Variants in CCDC196 observed in about 807,000 individuals in gnomAD.
CCDC196 encodes coiled-coil domain containing 196.
At chr14:66,488,387 T>G in intron 3 of CCDC196, 131 bp downstream of exon 3, 2 of 395,540 alleles carry the variant, frequency 5.1e-6, no homozygotes, top group Non-Finnish European at 9.0e-6. Context: ...ATCTCCTTGA[T>G]CTAGAAAGTC....
Position 66,488,171 on chromosome 14 carries a change from T to C in CCDC196, c.215T>C (p.Met72Thr), listed in dbSNP as rs959632961. ...TCTCTTTCTTCTAGTCTTCAGATCA[T>C]GAGACAGATCATGGCAGGGAAGGGG... The part of the protein sequence containing the change: ...LEEKQRSLQI[M>T]RQIMAGKGCE... Residue 72 changes from methionine to threonine, a missense_variant, in exon 3 of 10, where the codon ATG becomes ACG. Physicochemically the swap from Met to Thr is moderately conservative, Grantham distance 81 (BLOSUM62 -1). Transcript: ENST00000636229. 6 of 412,948 alleles carry C rather than the reference T, an allele frequency of 1.5e-5. No homozygotes were observed. Among genetic ancestry groups the C allele is most frequent in the Non-Finnish European group, 2.7e-5 (6 of 225,822 alleles). 25.6% of individuals were successfully genotyped at this position (412,948 alleles called of 1,614,324 possible). A position where few individuals can be genotyped will look rare whatever the true frequency, so the allele number is the denominator to read the frequency against.
In CCDC196 at chr14:66,490,831, G is replaced by A. The variant is rs749796078; in HGVS notation, c.429+12G>A. 2.5e-5 allele frequency: 10 copies of A among 400,322 alleles called. No homozygotes were observed. The highest frequency in any genetic ancestry group is 7.1e-5 in the East Asian group (2 of 28,098). 24.8% of individuals were successfully genotyped at this position (400,322 alleles called of 1,614,324 possible). ...TGCAGGATGGAAAGGCAAGTGGACT[G>A]CATGTACTTAAAATTTCAAGATTGT... On this transcript the variant is annotated intron_variant, in intron 5 of 9. Transcript: ENST00000636229.
At chr14:66,489,608 A>G (rs566990078) in intron 4 of CCDC196, among the ~76,000 whole-genome samples, 10 of 152,120 alleles carry the variant, frequency 6.6e-5, no homozygotes, top group Non-Finnish European at 7.4e-5. Context: ...TACTTTTTAA[A>G]TTGTTTCTTG....
intron 4 of CCDC196, among the ~76,000 whole-genome samples, 157 bp downstream of exon 4, chr14:66,489,194 T>C (rs564330891): frequency 2.0e-5 from 3 of 152,328 alleles, no homozygotes; most frequent in African/African-American, 7.2e-5. Flanking sequence ...GTGATCTTTT[T>C]AAAACAATCA....
intron 9 of CCDC196, 62 bp downstream of exon 9, chr14:66,498,229 T>C: frequency 2.4e-6 from 1 of 412,804 alleles, no homozygotes; most frequent in Non-Finnish European, 4.4e-6. Flanking sequence ...AGATAGTGGG[T>C]ATAGATTTTT....
At chr14:66,496,613 A>G (rs1452477931) in intron 8 of CCDC196, 3 of 302,572 alleles carry the variant, frequency 9.9e-6, no homozygotes, top group African/African-American at 6.5e-5. Context: ...CCTAACTTCT[A>G]TAGAGTCCAG....
chr14:66,498,013 T>C lies in CCDC196; in HGVS notation c.716-96T>C. ...AAAATCAGAAAATTCACATCAATGC[T>C]AATACCCACAGTGATACAAAACAAA... is the stretch of plus-strand genomic sequence containing the variant. On this transcript the variant is annotated intron_variant, in intron 8 of 9. Coordinates refer to ENST00000636229, the MANE Select transcript of CCDC196 (RefSeq NM_001351576.1). 3 of 404,882 alleles carry C rather than the reference T, an allele frequency of 7.4e-6. No individual in the cohort carries two copies. The East Asian group carries it at 1.1e-4, about 15-fold the overall frequency. The allele number at this position is 404,882 out of a possible 1,614,324, so 25.1% of individuals were successfully genotyped here. A position where few individuals can be genotyped will look rare whatever the true frequency, so the allele number is the denominator to read the frequency against.
chr14:66,488,759 A>G (rs1189251452), intron 3 of CCDC196, among the ~76,000 whole-genome samples: 1 of 152,150 alleles, frequency 6.6e-6, no homozygotes, highest in African/African-American at 2.4e-5. Flanking sequence ...AATTATTATA[A>G]TTAAAGTTAT....
At chr14:66,486,969 T>G (rs1360187420) in intron 2 of CCDC196, among the ~76,000 whole-genome samples, 160 bp downstream of exon 2, 1 of 152,076 alleles carries the variant, frequency 6.6e-6, no homozygotes, top group Admixed American at 6.6e-5. Flanking sequence ...CAAGTCAGGG[T>G]GACAACAAAT....
chr14:66,490,528 C>T (rs2057511472), intron 4 of CCDC196, among the ~76,000 whole-genome samples: 1 of 152,002 alleles, frequency 6.6e-6, no homozygotes, highest in African/African-American at 2.4e-5. Context: ...GCTAAGGGTC[C>T]AGCTAATAGT....
chr14:66,498,431 T>C lies in CCDC196; in HGVS notation c.853T>C (p.Phe285Leu). 2.4e-6 allele frequency: 1 copy of C among 413,512 alleles called. No homozygotes were observed. The highest frequency in any genetic ancestry group is 4.4e-6 in the Non-Finnish European group (1 of 225,866). The allele number at this position is 413,512 out of a possible 1,614,324, so 25.6% of individuals were successfully genotyped here. The part of the protein sequence containing the change: ...SQLDNTGGRL[F>L]FLRSLPDEAL... ...GCTTGATAATACAGGAGGGAGACTC[T>C]TTTTTCTGAGGTCATTGCCAGATGA... Residue 285 changes from phenylalanine (F) to leucine (L), a missense_variant, in exon 10 of 10, where the codon TTT (phenylalanine) becomes CTT (leucine). Physicochemically the swap from Phe to Leu is conservative, Grantham distance 22. Coordinates refer to ENST00000636229, the MANE Select transcript of CCDC196 (RefSeq NM_001351576.1).
At chr14:66,493,230 T>C (rs1199131641) in intron 8 of CCDC196, among the ~76,000 whole-genome samples, 1 of 152,128 alleles carries the variant, frequency 6.6e-6, no homozygotes, top group African/African-American at 2.4e-5. Context: ...TAAATAAATA[T>C]ATGAGTAAAT....
At chr14:66,492,498 T>C (rs1450777636) in intron 8 of CCDC196, among the ~76,000 whole-genome samples, 4 of 151,828 alleles carry the variant, frequency 2.6e-5, no homozygotes, top group Admixed American at 6.6e-5. Context: ...CGCACCACCA[T>C]GCCCAGCTAA....
chr14:66,492,341 T>A, intron 8 of CCDC196, 147 bp downstream of exon 8: 56 of 347,036 alleles, frequency 1.6e-4, no homozygotes, highest in Middle Eastern at 7.7e-4. Flanking sequence ...TTCATTATCT[T>A]TTTTTTTTTT....
chr14:66,487,536 T>A (rs970917804), intron 2 of CCDC196, among the ~76,000 whole-genome samples: 4 of 152,292 alleles, frequency 2.6e-5, no homozygotes, highest in African/African-American at 9.6e-5. Context: ...TGTTCTTCGC[T>A]TAGAACTGGG....
chr14:66,493,704 A>G (rs2057596106), intron 8 of CCDC196: 1 of 152,214 alleles, frequency 6.6e-6, no homozygotes, highest in African/African-American at 2.4e-5. Flanking sequence ...GAAAACTAGT[A>G]AGACTGAACT....
At chr14:66,496,375 G>C (rs1412225589) in intron 8 of CCDC196, 1 of 456,080 alleles carries the variant, frequency 2.2e-6, no homozygotes, top group East Asian at 6.9e-5. Flanking sequence ...TAATATTACT[G>C]ATTTTGTTAC....
chr14:66,488,091 C>T, intron 2 of CCDC196, 69 bp from the exon 3 acceptor site: 1 of 410,626 alleles, frequency 2.4e-6, no homozygotes, highest in Non-Finnish European at 4.4e-6. Flanking sequence ...TACTTTCTGA[C>T]TAGTTGCAGA....
Position 66,498,456 on chromosome 14 carries a change from A to C in CCDC196, c.878A>C (p.Glu293Ala). 1 of 413,522 alleles carries C rather than the reference A, an allele frequency of 2.4e-6. No homozygotes were observed. The highest frequency in any genetic ancestry group is 4.4e-6 in the Non-Finnish European group (1 of 225,814). The allele number at this position is 413,522 out of a possible 1,614,324, so 25.6% of individuals were successfully genotyped here. A position where few individuals can be genotyped will look rare whatever the true frequency, so the allele number is the denominator to read the frequency against. ...TTTTTTCTGAGGTCATTGCCAGATG[A>C]AGCACTGAAGAATTAGCAGGCTTTC... ...RLFFLRSLPD[E>A]ALKN The change falls in exon 10 of 10, where the codon GAA becomes GCA. Residue 293 changes from glutamate (E) to alanine (A), a missense_variant. Transcript: ENST00000636229.
Sources: gnomAD v4.1 joint callset for allele counts (sites outside exome capture counted in the v4.1 genomes callset) on GRCh38, gnomAD v4.1.1 for gene constraint, MANE v1.5 for transcripts, NCBI Gene and HGNC (gene_info 2026-07-23, HGNC 2026-07-21) for gene names.